The following GHR variants were observed in gnomAD, a reference collection of about 807,000 sequenced individuals.
GHR encodes the protein GH receptor.
A neutral mutation model predicts 67.1 loss-of-function variants in GHR; 35 were observed. That is an observed-to-expected ratio of 0.52 (90% CI 0.40 to 0.69). The LOEUF (loss-of-function observed/expected upper bound fraction) is 0.69. GHR is among the 30% of genes least tolerant of loss of function. The pLI is 0.00. For synonymous variants in GHR, 272 were observed against 269.1 expected, an observed-to-expected ratio of 1.01 and a Z score of -0.10; for missense variants, 792 against 764.6, an observed-to-expected ratio of 1.04 and a Z score of -0.42.
intron 1 of GHR, among the ~76,000 whole-genome samples, chr5:42,474,327 A>AAGAGAC (rs1469434679): frequency 7.1e-6 from 1 of 140,182 alleles, no homozygotes; most frequent in Admixed American, 7.2e-5. Flanking sequence ...GAAAGAAAGA[A>AAGAGAC]AGAAAGAAAG....
intron 9 of GHR, 103 bp downstream of exon 9, chr5:42,718,224 T>G: frequency 1.3e-6 from 1 of 758,004 alleles, no homozygotes; most frequent in Admixed American, 2.2e-5. Context: ...TCACATTCAA[T>G]TTTCTTGTGT....
chr5:42,627,721 G>A lies in GHR; in HGVS notation c.71-1317G>A, dbSNP rs764600273. ...CTTGGCCCCTTGGCCCCTTAGCCCC[G>A]AGGTAGTGTCTAGGGGTGGGGTGCC... On this transcript the variant is annotated intron_variant, in intron 2 of 9. Coordinates refer to ENST00000230882, the MANE Select transcript of GHR (RefSeq NM_000163.5). 1.6e-4 allele frequency among the ~76,000 whole-genome samples: 25 copies of A among 152,326 alleles called. 1 individual carries two copies. The highest frequency in any genetic ancestry group is 6.8e-3 in the Middle Eastern group (2 of 294).
At chr5:42,700,400 C>T (rs1757877657) in intron 6 of GHR, among the ~76,000 whole-genome samples, 1 of 152,038 alleles carries the variant, frequency 6.6e-6, no homozygotes, top group Non-Finnish European at 1.5e-5. Context: ...CAAAGGACTC[C>T]CACTAAAACA....
At chr5:42,540,264 A>G (rs1218648899) in intron 1 of GHR, among the ~76,000 whole-genome samples, 2 of 151,396 alleles carry the variant, frequency 1.3e-5, no homozygotes, top group East Asian at 3.9e-4. Flanking sequence ...AACATCTTAA[A>G]GCATATTTTG....
At chr5:42,464,269 A>G (rs1344429848) in intron 1 of GHR, among the ~76,000 whole-genome samples, 1 of 152,154 alleles carries the variant, frequency 6.6e-6, no homozygotes, top group African/African-American at 2.4e-5. Context: ...CCCATGGTGA[A>G]TGGGAGCTTA....
intron 1 of GHR, among the ~76,000 whole-genome samples, chr5:42,496,727 T>G (rs561117781): frequency 2.6e-5 from 4 of 152,292 alleles, no homozygotes; most frequent in Non-Finnish European, 5.9e-5. Context: ...ATCCCCTTAG[T>G]TGAAACATGA....
At chr5:42,635,826 C>A (rs1561185555) in intron 3 of GHR, among the ~76,000 whole-genome samples, 1 of 152,058 alleles carries the variant, frequency 6.6e-6, no homozygotes, top group Non-Finnish European at 1.5e-5. Context: ...CTGAGGTCTT[C>A]TATTTCTTTT....
intron 3 of GHR, among the ~76,000 whole-genome samples, chr5:42,658,683 C>T (rs1051913771): frequency 1.3e-5 from 2 of 151,974 alleles, no homozygotes; most frequent in Non-Finnish European, 2.9e-5. Flanking sequence ...TGTCTAGAGA[C>T]ATTTTACTTG....
chr5:42,484,285 C>CT (rs1020786326), intron 1 of GHR, among the ~76,000 whole-genome samples: 1 of 152,114 alleles, frequency 6.6e-6, no homozygotes, highest in African/African-American at 2.4e-5. Context: ...TGTGTGGTGT[C>CT]TAATTCATTA....
intron 1 of GHR, among the ~76,000 whole-genome samples, chr5:42,535,296 G>T (rs1226741748): frequency 1.3e-5 from 2 of 152,016 alleles, no homozygotes; most frequent in Non-Finnish European, 2.9e-5. Context: ...TCACGTTTTA[G>T]ATTTAAGTCC....
intron 2 of GHR, among the ~76,000 whole-genome samples, chr5:42,602,184 A>G (rs1752410603): frequency 6.6e-6 from 1 of 152,178 alleles, no homozygotes; most frequent in Non-Finnish European, 1.5e-5. Flanking sequence ...TAAGAGCTCC[A>G]GAAATCTACT....
intron 3 of GHR, among the ~76,000 whole-genome samples, chr5:42,653,769 A>T (rs145692772): frequency 4.7e-4 from 72 of 152,234 alleles, no homozygotes; most frequent in Non-Finnish European, 5.9e-4. Context: ...TCCATGGAAG[A>T]TGTGAAATTC....
chr5:42,568,364 T>C (rs1284488069), intron 2 of GHR, among the ~76,000 whole-genome samples: 1 of 152,218 alleles, frequency 6.6e-6, no homozygotes, highest in East Asian at 1.9e-4. Flanking sequence ...TCATCCTTAA[T>C]ATGAAGCTCT....
chr5:42,460,880 G>T (rs1038071040), intron 1 of GHR, among the ~76,000 whole-genome samples: 1 of 152,166 alleles, frequency 6.6e-6, no homozygotes, highest in Non-Finnish European at 1.5e-5. Context: ...GGGCTCTGGT[G>T]TGTTTTCTTC....
At chr5:42,482,043 G>C (rs192466273) in intron 1 of GHR, among the ~76,000 whole-genome samples, 1 of 152,022 alleles carries the variant, frequency 6.6e-6, no homozygotes, top group Non-Finnish European at 1.5e-5. Flanking sequence ...TGATGGTGAC[G>C]TACAGATGGG....
chr5:42,675,143 A>T lies in GHR; in HGVS notation c.137-13747A>T, dbSNP rs184834230. Among the ~76,000 whole-genome samples, 919 of 152,336 alleles carry T rather than the reference A, an allele frequency of 6.0e-3. 5 individuals are homozygous for T. The highest frequency in any genetic ancestry group is 0.011 in the Admixed American group (172 of 15,304). On this transcript the variant is annotated intron_variant, in intron 3 of 9. Transcript: ENST00000230882. ...TCAGTATAATTGTCTTTGACATCTC[A>T]AAACACTGCTTATGCAGAATACACT...
chr5:42,575,442 G>A (rs1375097377), intron 2 of GHR, among the ~76,000 whole-genome samples: 1 of 152,140 alleles, frequency 6.6e-6, no homozygotes, highest in African/African-American at 2.4e-5. Flanking sequence ...CGATAGGAGA[G>A]TCAGAAAATG....
At chr5:42,633,379 A>G (rs184248103) in intron 3 of GHR, among the ~76,000 whole-genome samples, 11 of 152,338 alleles carry the variant, frequency 7.2e-5, no homozygotes, top group Admixed American at 4.6e-4. Context: ...ATATTATCAT[A>G]TTAGATAGGC....
At chr5:42,514,140 A>T (rs1747140432) in intron 1 of GHR, 3 of 985,046 alleles carry the variant, frequency 3.0e-6, no homozygotes, top group Non-Finnish European at 3.6e-6. Context: ...AAAATAAAAC[A>T]TTTGCTGAAT....
Sources: gnomAD v4.1 joint callset for allele counts (sites outside exome capture counted in the v4.1 genomes callset) on GRCh38, gnomAD v4.1.1 for gene constraint, MANE v1.5 for transcripts, NCBI Gene and HGNC (gene_info 2026-07-23, HGNC 2026-07-21) for gene names.